GRXCR1: variants seen among roughly 807,000 people sequenced by gnomAD.
GRXCR1 encodes the protein glutaredoxin domain-containing cysteine-rich protein 1.
In GRXCR1, 27 loss-of-function variants were observed where a neutral mutation model predicts 27.3. The observed-to-expected ratio is 0.99, with a 90% CI of 0.73 to 1.37. The LOEUF is 1.37. Among genes scored for constraint, GRXCR1 ranks in the 40% most tolerant of loss-of-function variants. The pLI is 0.00. For missense variants in GRXCR1, 379 were observed against 354.4 expected (o/e 1.07, Z -0.56); for synonymous variants, 122 against 131.1 (o/e 0.93, Z 0.47).
chr4:42,990,251 T>G (rs1210803920), intron 2 of GRXCR1, among the ~76,000 whole-genome samples: 6 of 125,832 alleles, frequency 4.8e-5, no homozygotes, highest in African/African-American at 1.8e-4. Context: ...GAGTGCAGTG[T>G]CGGGATCTCG....
At chr4:42,913,995 A>G (rs571203424) in intron 1 of GRXCR1, among the ~76,000 whole-genome samples, 11 of 152,322 alleles carry the variant, frequency 7.2e-5, no homozygotes, top group African/African-American at 9.6e-5. Context: ...GGGAATCTCC[A>G]CCTAGATTTC....
chr4:42,959,644 C>T (rs13121595), intron 1 of GRXCR1, among the ~76,000 whole-genome samples: 16,053 of 151,880 alleles, frequency 0.11, 1,254 homozygotes, highest in African/African-American at 0.22. Context: ...TTATATTATA[C>T]ACCTTAAGTA....
At chr4:42,970,196 A>G (rs1422857931) in intron 2 of GRXCR1, among the ~76,000 whole-genome samples, 1 of 152,068 alleles carries the variant, frequency 6.6e-6, no homozygotes, top group African/African-American at 2.4e-5. Flanking sequence ...AGCTGCTTTC[A>G]TGGGCTGGTA....
intron 1 of GRXCR1, among the ~76,000 whole-genome samples, chr4:42,907,815 G>C (rs376390221): frequency 2.6e-5 from 4 of 152,128 alleles, no homozygotes; most frequent in African/African-American, 9.7e-5. Flanking sequence ...ATTGCTTGGG[G>C]GAAAAGCTCC....
chr4:43,015,170 G>C (rs559080569), intron 2 of GRXCR1, among the ~76,000 whole-genome samples: 75 of 152,274 alleles, frequency 4.9e-4, no homozygotes, highest in African/African-American at 1.8e-3. Context: ...CAGGGTATGA[G>C]AAGCTTATTA....
intron 1 of GRXCR1, among the ~76,000 whole-genome samples, chr4:42,922,781 C>T (rs1258052992): frequency 1.3e-5 from 2 of 151,764 alleles, no homozygotes. Context: ...TGCTAGATAC[C>T]CCTTCATGGC....
chr4:42,962,572 T>C (rs1282143085), intron 1 of GRXCR1, among the ~76,000 whole-genome samples: 1 of 151,962 alleles, frequency 6.6e-6, no homozygotes, highest in Admixed American at 6.6e-5. Flanking sequence ...GCAATGTCTA[T>C]GAAACATAAG....
intron 1 of GRXCR1, among the ~76,000 whole-genome samples, chr4:42,917,647 C>T (rs1429585210): frequency 6.6e-6 from 1 of 152,038 alleles, no homozygotes; most frequent in African/African-American, 2.4e-5. Context: ...TTTAGAGTTC[C>T]TGAGATAAGA....
chr4:42,931,385 A>T (rs1212684729), intron 1 of GRXCR1, among the ~76,000 whole-genome samples: 1 of 151,872 alleles, frequency 6.6e-6, no homozygotes, highest in Non-Finnish European at 1.5e-5. Flanking sequence ...TCTACTTCTC[A>T]TCTTGTTTGC....
At chr4:43,005,216 T>C (rs1712517642) in intron 2 of GRXCR1, among the ~76,000 whole-genome samples, 1 of 152,210 alleles carries the variant, frequency 6.6e-6, no homozygotes, top group Non-Finnish European at 1.5e-5. Context: ...GCCATGATTG[T>C]AAGTTTCCTG....
intron 1 of GRXCR1, among the ~76,000 whole-genome samples, chr4:42,948,742 A>G (rs572757615): frequency 6.6e-6 from 1 of 152,216 alleles, no homozygotes; most frequent in East Asian, 1.9e-4. Context: ...GGATTACTGG[A>G]TGGACCCAGT....
intron 2 of GRXCR1, among the ~76,000 whole-genome samples, chr4:42,992,102 A>T (rs1387575008): frequency 6.6e-6 from 1 of 152,002 alleles, no homozygotes; most frequent in East Asian, 1.9e-4. Flanking sequence ...CTCCTCTCCT[A>T]TATTCCTTTT....
At chr4:42,953,270 G>T (rs1338564429) in intron 1 of GRXCR1, among the ~76,000 whole-genome samples, 1 of 152,104 alleles carries the variant, frequency 6.6e-6, no homozygotes, top group African/African-American at 2.4e-5. Context: ...AATCTGTGTG[G>T]GTTTTCATGA....
chr4:42,907,121 C>T (rs184591315), intron 1 of GRXCR1, among the ~76,000 whole-genome samples: 5 of 152,262 alleles, frequency 3.3e-5, no homozygotes, highest in Admixed American at 2.0e-4. Context: ...TAGAAGCCAG[C>T]GCCAGCCCAG....
At chr4:42,966,079 T>C (rs994404056) in intron 2 of GRXCR1, among the ~76,000 whole-genome samples, 1 of 152,120 alleles carries the variant, frequency 6.6e-6, no homozygotes, top group Non-Finnish European at 1.5e-5. Flanking sequence ...AAATCTGCAC[T>C]GCCCTTGGAT....
intron 1 of GRXCR1, among the ~76,000 whole-genome samples, chr4:42,916,557 A>G (rs937191769): frequency 1.3e-5 from 2 of 152,182 alleles, no homozygotes; most frequent in African/African-American, 4.8e-5. Flanking sequence ...CCTCCTAATT[A>G]GATTCAGGGT....
chr4:42,987,248 A>ATATAAATATAAT (rs370379241), intron 2 of GRXCR1, among the ~76,000 whole-genome samples: 18 of 67,548 alleles, frequency 2.7e-4, no homozygotes, highest in African/African-American at 9.4e-4. Flanking sequence ...TATAATATAT[A>ATATAAATATAAT]ATATATATAT....
intron 1 of GRXCR1, among the ~76,000 whole-genome samples, chr4:42,909,356 C>T (rs566654672): frequency 4.2e-4 from 64 of 152,194 alleles, no homozygotes; most frequent in Non-Finnish European, 8.2e-4. Flanking sequence ...TTAAGGCTCC[C>T]CCATACCCCG....
chr4:42,901,002 C>T (rs963900480), intron 1 of GRXCR1, among the ~76,000 whole-genome samples: 6 of 152,216 alleles, frequency 3.9e-5, no homozygotes, highest in Middle Eastern at 3.4e-3. Context: ...ATGCTTGTGG[C>T]GCATCTAGCA....
Sources: allele counts gnomAD v4.1 joint callset (sites outside exome capture counted in the v4.1 genomes callset), GRCh38; gene constraint gnomAD v4.1.1; transcripts MANE v1.5; gene names NCBI Gene and HGNC (gene_info 2026-07-23, HGNC 2026-07-21).